The following FAT4 variants were observed in gnomAD, a reference collection of about 807,000 sequenced individuals.
The protein encoded by FAT4 is protocadherin Fat 4.
FAT4 carries 84 observed loss-of-function variants against 303.9 expected under a neutral mutation model. The ratio of observed to expected loss-of-function variants is 0.28; its 90% CI spans 0.23 to 0.33. FAT4 has a LOEUF of 0.33. Ranked by LOEUF, FAT4 falls within the 10% of genes least tolerant of loss-of-function variation. FAT4 has a pLI of 1.00. For synonymous variants in FAT4, 2,307 were observed against 2,298.8 expected, an observed-to-expected ratio of 1.00 and a Z score of -0.10; for missense variants, 6,005 against 6,146.8, an observed-to-expected ratio of 0.98 and a Z score of 0.77.
chr4:125,379,833 A>C (rs1042009024), intron 2 of FAT4, among the ~76,000 whole-genome samples: 10 of 149,868 alleles, frequency 6.7e-5, no homozygotes, highest in East Asian at 5.9e-4. Flanking sequence ...AAAAAAAAAA[A>C]CACACACATA....
Position 125,416,471 on chromosome 4 carries a change from A to G in FAT4, c.6867A>G (p.Arg2289=). ...ILQVVARDDD[R]GSNSKLSYVL... Reference sequence around the variant, plus strand: ...AGGTGGTGGCAAGAGATGATGATCGAGGATCTAACAGCAAACTCTCATATG... The same window carrying G: ...AGGTGGTGGCAAGAGATGATGATCGGGGATCTAACAGCAAACTCTCATATG... The change falls in exon 7 of 18, where the codon CGA becomes CGG. Residue 2289 remains arginine, a synonymous_variant. Coordinates refer to ENST00000394329, the MANE Select transcript of FAT4 (RefSeq NM_001291303.3). 2 of 1,613,710 alleles carry G rather than the reference A, an allele frequency of 1.2e-6. No individual in the cohort carries two copies. The highest frequency in any genetic ancestry group is 1.1e-5 in the South Asian group (1 of 91,064).
At chr4:125,483,986 T>C (rs1441079545) in intron 16 of FAT4, among the ~76,000 whole-genome samples, 1 of 102,834 alleles carries the variant, frequency 9.7e-6, no homozygotes, top group Admixed American at 1.0e-4. Flanking sequence ...TCTTTAACTC[T>C]TTCTTATGGT....
At chr4:125,422,840 C>T (rs1381138480) in intron 7 of FAT4, among the ~76,000 whole-genome samples, 2 of 152,138 alleles carry the variant, frequency 1.3e-5, no homozygotes, top group African/African-American at 4.8e-5. Flanking sequence ...TTGGAACTTC[C>T]TACAGACTTT....
chr4:125,388,099 T>C (rs576990437), intron 2 of FAT4, among the ~76,000 whole-genome samples: 8 of 152,220 alleles, frequency 5.3e-5, no homozygotes, highest in Admixed American at 1.3e-4. Context: ...AGAAACATAC[T>C]GTTCTAGTGA....
chr4:125,438,179 A>AGAATT (rs1284072503), intron 8 of FAT4, among the ~76,000 whole-genome samples: 1 of 152,196 alleles, frequency 6.6e-6, no homozygotes, highest in Non-Finnish European at 1.5e-5. Context: ...CTTGTATGAG[A>AGAATT]TGTATAAATT....
At chr4:125,350,912 G>C (rs1024393669) in intron 2 of FAT4, among the ~76,000 whole-genome samples, 4 of 151,560 alleles carry the variant, frequency 2.6e-5, no homozygotes, top group African/African-American at 9.7e-5. Context: ...AGACAGGGAG[G>C]TTCATCATAT....
At chr4:125,418,692 T>C (rs981276751) in intron 7 of FAT4, among the ~76,000 whole-genome samples, 4 of 152,180 alleles carry the variant, frequency 2.6e-5, no homozygotes, top group African/African-American at 9.7e-5. Flanking sequence ...GCATTACTTA[T>C]AGTTATTTCT....
chr4:125,451,465 T>G lies in FAT4; in HGVS notation c.10455T>G (p.Val3485=), dbSNP rs1726069611. ...TCTATAATCTCTCAGTTTTGGCTGT[T>G]GATTCAGGGACCCCCTCAGCTACAG... ...LPIYNLSVLA[V]DSGTPSATGS... is the part of the protein sequence containing the mutation. Residue 3485 remains valine (V), a synonymous_variant, in exon 10 of 18, where the codon GTT becomes GTG. Transcript: ENST00000394329. 1 of 1,614,040 alleles carries G rather than the reference T, an allele frequency of 6.2e-7. No individual in the cohort carries two copies. Among genetic ancestry groups the G allele is most frequent in the African/African-American group, 1.3e-5 (1 of 74,928 alleles).
intron 2 of FAT4, among the ~76,000 whole-genome samples, chr4:125,370,699 C>G (rs1329382378): frequency 6.6e-6 from 1 of 152,116 alleles, no homozygotes; most frequent in Non-Finnish European, 1.5e-5. Flanking sequence ...ATTAAAGTTT[C>G]ACTGGTGATA....
chr4:125,429,993 A>G (rs559117145), intron 7 of FAT4, among the ~76,000 whole-genome samples: 1 of 152,306 alleles, frequency 6.6e-6, no homozygotes, highest in Non-Finnish European at 1.5e-5. Context: ...GGGTTACATC[A>G]CACACCGGGT....
intron 3 of FAT4, among the ~76,000 whole-genome samples, chr4:125,399,454 T>G (rs1305886728): frequency 2.0e-5 from 3 of 152,024 alleles, no homozygotes; most frequent in Non-Finnish European, 4.4e-5. Flanking sequence ...TTCTCTTTAC[T>G]GGGTAAGGAG....
At position 125,490,720 on chromosome 4, in the gene FAT4, C is replaced by T; in HGVS notation, c.13904C>T (p.Ala4635Val). The change falls in exon 18 of 18, where the codon GCA (alanine) becomes GTA (valine). Residue 4635 changes from alanine to valine, a missense_variant. By Grantham distance (64) the Ala-to-Val change is moderately conservative. Transcript: ENST00000394329. ...DNASSIAPSD[A>V]DIIQHYKQFR... Reference sequence around the variant, plus strand: ...GCCAGCAGCATCGCCCCTTCGGATGCAGACATCATTCAACACTACAAGCAG... The same window carrying T: ...GCCAGCAGCATCGCCCCTTCGGATGTAGACATCATTCAACACTACAAGCAG... 6.2e-7 allele frequency: 1 copy of T among 1,614,114 alleles called. No homozygotes were observed. The highest frequency in any genetic ancestry group is 1.1e-5 in the South Asian group (1 of 91,082).
chr4:125,415,923 T>G (rs993655093), intron 6 of FAT4, 117 bp downstream of exon 6: 4 of 772,124 alleles, frequency 5.2e-6, no homozygotes, highest in Non-Finnish European at 8.1e-6. Flanking sequence ...CATCCATAAA[T>G]GCTCAATTGC....
At chr4:125,387,975 A>G (rs1453872747) in intron 2 of FAT4, among the ~76,000 whole-genome samples, 1 of 152,188 alleles carries the variant, frequency 6.6e-6, no homozygotes, top group Non-Finnish European at 1.5e-5. Flanking sequence ...GGATAACTGC[A>G]GTTGGGCTTC....
intron 10 of FAT4, among the ~76,000 whole-genome samples, chr4:125,457,151 A>ACG (rs1246158247): frequency 6.2e-5 from 8 of 129,068 alleles, no homozygotes; most frequent in African/African-American, 2.6e-4. Flanking sequence ...ACACACACAC[A>ACG]CACACCACTG....
At position 125,416,522 on chromosome 4, in the gene FAT4, T is replaced by C. The variant is rs747620887; in HGVS notation, c.6918T>C (p.Asn2306=). The stretch of plus-strand genomic sequence containing the variant: ...TTCTGTTTGGTGGTAATGAAGACAA[T>C]GCTTTTACTCTCTCAGCCAGTGGAG... ...SYVLFGGNED[N]AFTLSASGEL... Residue 2306 remains asparagine (N), a synonymous_variant, in exon 7 of 18, where the codon AAT becomes AAC. Coordinates refer to ENST00000394329, the MANE Select transcript of FAT4 (RefSeq NM_001291303.3). 10 of 1,613,924 alleles carry C rather than the reference T, an allele frequency of 6.2e-6. No individual in the cohort carries two copies. The South Asian group carries it at 1.1e-4, about 18-fold the overall frequency.
At chr4:125,420,568 C>T (rs1304198465) in intron 7 of FAT4, among the ~76,000 whole-genome samples, 1 of 151,980 alleles carries the variant, frequency 6.6e-6, no homozygotes, top group Non-Finnish European at 1.5e-5. Flanking sequence ...GGCTGAAATT[C>T]CAGAAGTTTT....
chr4:125,340,540 C>T (rs1216648832), intron 2 of FAT4, among the ~76,000 whole-genome samples: 2 of 152,194 alleles, frequency 1.3e-5, no homozygotes, highest in African/African-American at 4.8e-5. Flanking sequence ...GCGCCCGCCA[C>T]CACGCCCGGC....
intron 2 of FAT4, among the ~76,000 whole-genome samples, chr4:125,338,930 T>C (rs1455141400): frequency 6.6e-6 from 1 of 152,164 alleles, no homozygotes; most frequent in Non-Finnish European, 1.5e-5. Context: ...CATGTGGACC[T>C]TGGGCCTCAT....
Sources: allele counts gnomAD v4.1 joint callset (sites outside exome capture counted in the v4.1 genomes callset), GRCh38; gene constraint gnomAD v4.1.1; transcripts MANE v1.5; gene names NCBI Gene and HGNC (gene_info 2026-07-23, HGNC 2026-07-21).